Variants in PCDH17 observed in about 807,000 individuals in gnomAD.
PCDH17 encodes protocadherin-17.
PCDH17 carries 21 observed loss-of-function variants against 67.7 expected under a neutral mutation model. The observed-to-expected ratio is 0.31, with a 90% CI of 0.22 to 0.45. PCDH17 has a LOEUF of 0.45. PCDH17 is among the 20% of genes least tolerant of loss of function. PCDH17 has a pLI of 1.00. For missense variants in PCDH17, 1,471 were observed against 1,564.8 expected, an observed-to-expected ratio of 0.94 and a Z score of 1.01; for synonymous variants, 701 against 656.7, an observed-to-expected ratio of 1.07 and a Z score of -1.03.
chr13:57,712,102 A>T (rs1416688783), intron 3 of PCDH17, among the ~76,000 whole-genome samples: 1 of 151,732 alleles, frequency 6.6e-6, no homozygotes, highest in African/African-American at 2.4e-5. Context: ...GATCATAAAT[A>T]CTTTTATCAT....
intron 3 of PCDH17, among the ~76,000 whole-genome samples, 156 bp downstream of exon 3, chr13:57,666,989 C>T (rs1566228106): frequency 6.6e-6 from 1 of 152,070 alleles, no homozygotes; most frequent in Non-Finnish European, 1.5e-5. Flanking sequence ...AAAAAGCAAC[C>T]ATTGAATAAC....
At chr13:57,707,334 C>CGTGTGTGTGTGTGTGT (rs56840875) in intron 3 of PCDH17, among the ~76,000 whole-genome samples, 4 of 145,714 alleles carry the variant, frequency 2.7e-5, no homozygotes, top group African/African-American at 7.6e-5. Context: ...GATATATGAC[C>CGTGTGTGTGTGTGTGT]GTGTGTGTGT....
rs1052602635 is a variant in PCDH17, at chr13:57,634,339, C to A, written c.1793C>A (p.Pro598Gln). 10 of 1,612,736 alleles carry A rather than the reference C, an allele frequency of 6.2e-6. No homozygotes were observed. The highest frequency in any genetic ancestry group is 8.5e-6 in the Non-Finnish European group (10 of 1,180,008). ...AACGACACCGCGGAGCTGCAGGTGC[C>A]GCGCAACGCTGGCCTGGGCTATCTG... ...LQNDTAELQV[P>Q]RNAGLGYLVS... Residue 598 changes from proline to glutamine, a missense_variant, in exon 1 of 4, where the codon CCG (proline) becomes CAG (glutamine). By Grantham distance (76) the Pro-to-Gln change is moderately conservative (BLOSUM62 -1). Transcript: ENST00000377918. The surrounding 1 kb of genome is among the most constrained non-coding windows in gnomAD (Gnocchi z 7.8).
At chr13:57,701,315 A>G (rs1427808149) in intron 3 of PCDH17, among the ~76,000 whole-genome samples, 2 of 152,116 alleles carry the variant, frequency 1.3e-5, no homozygotes, top group Non-Finnish European at 2.9e-5. Context: ...GTAGAAGTGA[A>G]GCAAAAAGTG....
chr13:57,685,193 G>A (rs887355498), intron 3 of PCDH17, among the ~76,000 whole-genome samples: 16 of 151,912 alleles, frequency 1.1e-4, no homozygotes, highest in Middle Eastern at 6.8e-3. Context: ...ATTTACTTGA[G>A]GGAGACTAAA....
intron 3 of PCDH17, among the ~76,000 whole-genome samples, chr13:57,685,751 C>CA (rs1392372902): frequency 1.3e-5 from 2 of 151,652 alleles, no homozygotes; most frequent in Non-Finnish European, 2.9e-5. Flanking sequence ...TCCTAGAACA[C>CA]AAAAAGGACA....
chr13:57,630,876 T>A (rs1954710485), upstream of PCDH17, among the ~76,000 whole-genome samples: 1 of 152,204 alleles, frequency 6.6e-6, no homozygotes, highest in Non-Finnish European at 1.5e-5. Context: ...TCGGAACACC[T>A]GCATTTCTGG....
chr13:57,668,290 C>T (rs1955279836), intron 3 of PCDH17, among the ~76,000 whole-genome samples: 1 of 151,808 alleles, frequency 6.6e-6, no homozygotes, highest in Admixed American at 6.6e-5. Context: ...TGAGATAGAC[C>T]CATCTATGTG....
At chr13:57,724,546 A>C in intron 3 of PCDH17, 66 bp from the exon 4 acceptor site, 9 of 1,328,462 alleles carry the variant, frequency 6.8e-6, no homozygotes, top group Non-Finnish European at 8.4e-6. Flanking sequence ...AGCTGATCAC[A>C]GCCTCTGTAG....
rs201593191 is a variant in PCDH17, at chr13:57,724,631, T to G, written c.2817T>G (p.Asn939Lys). Residue 939 changes from asparagine to lysine, a missense_variant, in exon 4 of 4, where the codon AAT (asparagine) becomes AAG (lysine). This residue lies in a region of PCDH17 where 297 missense variants were observed against 298.6 expected (regional missense o/e 0.99). Transcript: ENST00000377918. ...TTGCAGAACCAGAAGAGTGTGTTAA[T>G]TGCACAGATGAATGCCGAGTGCTTG... ...PLEQEPEECV[N>K]CTDECRVLGH... The G allele has an allele frequency of 7.3e-5, 118 of 1,612,554 alleles. No homozygotes were observed. The East Asian group carries it at 2.5e-3, about 35-fold the overall frequency.
intron 3 of PCDH17, among the ~76,000 whole-genome samples, chr13:57,696,564 G>C (rs1566239106): frequency 2.6e-5 from 4 of 151,242 alleles, no homozygotes. Context: ...GTTTTTAAAT[G>C]CCTTAGGATT....
At position 57,634,457 on chromosome 13, in the gene PCDH17, G is replaced by A. The variant is rs1286250776; in HGVS notation, c.1911G>A (p.Glu637=). 6.2e-7 allele frequency: 1 copy of A among 1,612,716 alleles called. No homozygotes were observed. The highest frequency in any genetic ancestry group is 8.5e-7 in the Non-Finnish European group (1 of 1,179,964). ...ACGGCAACGACGACCACCTGTTTGA[G>A]ATCGACCCGTCCAGCGGCGAGATCC... is the stretch of plus-strand genomic sequence containing the variant. ...IVDGNDDHLF[E]IDPSSGEIRT... is the part of the protein sequence containing the mutation. The change falls in exon 1 of 4, where the codon GAG becomes GAA. Residue 637 remains glutamate (E), a synonymous_variant. Coordinates refer to ENST00000377918, the MANE Select transcript of PCDH17 (RefSeq NM_001040429.3). This position sits in a 1 kb window ranked among gnomAD's most constrained non-coding sequence, Gnocchi z 7.8.
In PCDH17 at chr13:57,632,494, CCT is replaced by C. The variant is rs1400796193; in HGVS notation, c.-48_-47del. The C allele has an allele frequency of 3.2e-6, 5 of 1,553,632 alleles. No individual in the cohort carries two copies. The highest frequency in any genetic ancestry group is 4.4e-6 in the Non-Finnish European group (5 of 1,148,266). On this transcript the variant is annotated 5_prime_UTR_variant, in exon 1 of 4. Coordinates refer to ENST00000377918, the MANE Select transcript of PCDH17 (RefSeq NM_001040429.3). ...CAGGGCCCCAGGCTGGCGCGCACTC[CCT>C]CTCTGGCTCCTCCAGTCCGATTGCT...
At position 57,632,608 on chromosome 13, in the gene PCDH17, T is replaced by G. The variant is rs976668669; in HGVS notation, c.62T>G (p.Leu21Arg). 5.1e-5 allele frequency: 83 copies of G among 1,613,658 alleles called. No individual in the cohort carries two copies. The highest frequency in any genetic ancestry group is 6.9e-5 in the Non-Finnish European group (82 of 1,179,944). ...LWAPALTLKN[L>R]NYSVPEEQGA... is the part of the protein sequence containing the mutation. ...GCCCCTGCCCTCACTCTCAAGAACCTCAACTACTCCGTGCCGGAGGAGCAA... is the reference window on the plus strand; with the variant it reads ...GCCCCTGCCCTCACTCTCAAGAACCGCAACTACTCCGTGCCGGAGGAGCAA... The change falls in exon 1 of 4, where the codon CTC (leucine) becomes CGC (arginine). Residue 21 changes from leucine (L) to arginine (R), a missense_variant. Leu to Arg is a moderately radical substitution (Grantham distance 102). Around this residue, in one of 3 missense-constraint regions of PCDH17, gnomAD observed 1,163 missense variants for 1,230.0 expected, o/e 0.95. Coordinates refer to ENST00000377918, the MANE Select transcript of PCDH17 (RefSeq NM_001040429.3).
chr13:57,673,885 C>T (rs1566230860), intron 3 of PCDH17, among the ~76,000 whole-genome samples: 1 of 120,866 alleles, frequency 8.3e-6, no homozygotes, highest in East Asian at 1.9e-4. Context: ...CAAAATTCAT[C>T]TCGGTTTATG....
In PCDH17 at chr13:57,694,824, G is replaced by A. The variant is rs915409375; in HGVS notation, c.2797+27991G>A. On this transcript the variant is annotated intron_variant, in intron 3 of 3. Coordinates refer to ENST00000377918, the MANE Select transcript of PCDH17 (RefSeq NM_001040429.3). ...TTTTTCTCCAGTCCTCAGAGAGATC[G>A]TATGTAGGCCATTGCCACATGTATC... Among the ~76,000 whole-genome samples, 7 of 150,912 alleles carry A rather than the reference G, an allele frequency of 4.6e-5. No individual in the cohort carries two copies. In the East Asian group the frequency reaches 5.8e-4, roughly 13 times the overall value.
At chr13:57,651,238 A>G (rs1003718256) in intron 1 of PCDH17, among the ~76,000 whole-genome samples, 2 of 151,564 alleles carry the variant, frequency 1.3e-5, no homozygotes, top group Non-Finnish European at 2.9e-5. Context: ...ATTATATACT[A>G]TTTCATTTTT....
chr13:57,668,977 G>C (rs1328034441), intron 3 of PCDH17, among the ~76,000 whole-genome samples: 1 of 152,000 alleles, frequency 6.6e-6, no homozygotes, highest in Non-Finnish European at 1.5e-5. Context: ...ATCTCCTAAT[G>C]CTATCTCTCC....
At chr13:57,691,732 G>A (rs1256031089) in intron 3 of PCDH17, among the ~76,000 whole-genome samples, 1 of 151,162 alleles carries the variant, frequency 6.6e-6, no homozygotes, top group Non-Finnish European at 1.5e-5. Flanking sequence ...GAATCCATGA[G>A]AAAGAAAATT....
Sources: gnomAD v4.1 joint callset for allele counts (sites outside exome capture counted in the v4.1 genomes callset) on GRCh38, gnomAD v4.1.1 for gene constraint, gnomAD v4.1.1 regional missense constraint, Gnocchi (gnomAD v3.1) non-coding constraint, MANE v1.5 for transcripts, NCBI Gene and HGNC (gene_info 2026-07-23, HGNC 2026-07-21) for gene names.